SNTG1: variants seen among roughly 807,000 people sequenced by gnomAD.
The protein encoded by SNTG1 is gamma-1-syntrophin.
A neutral mutation model predicts 74.7 loss-of-function variants in SNTG1; 39 were observed. That is an observed-to-expected ratio of 0.52 (90% CI 0.40 to 0.68). The LOEUF (loss-of-function observed/expected upper bound fraction) is 0.68. Among genes scored for constraint, SNTG1 ranks in the 30% least tolerant of loss-of-function variants. The probability of loss-of-function intolerance (pLI) is 0.00; values close to 1 mark genes in which losing one functional copy is unlikely to be tolerated. For missense variants in SNTG1, 685 were observed against 609.5 expected (o/e 1.12, Z -1.30); for synonymous variants, 254 against 217.1 (o/e 1.17, Z -1.49).
At chr8:50,516,410 C>T (rs1277676212) in intron 9 of SNTG1, among the ~76,000 whole-genome samples, 4 of 152,178 alleles carry the variant, frequency 2.6e-5, no homozygotes, top group African/African-American at 9.6e-5. Flanking sequence ...CACAACTCCT[C>T]ACCAGCAAGG....
At chr8:50,080,595 T>G (rs1200832054) in intron 1 of SNTG1, among the ~76,000 whole-genome samples, 1 of 152,178 alleles carries the variant, frequency 6.6e-6, no homozygotes, top group Non-Finnish European at 1.5e-5. Flanking sequence ...TTTCTGTTTA[T>G]TTTTGCTGTA....
At position 50,328,951 on chromosome 8, in the gene SNTG1, G is replaced by A. The variant is rs77409617; in HGVS notation, c.-27-65261G>A. Among the ~76,000 whole-genome samples, 731 of 152,300 alleles carry A rather than the reference G, an allele frequency of 4.8e-3. 12 individuals carry two copies. The highest frequency in any genetic ancestry group is 0.017 in the African/African-American group (692 of 41,552). ...AAGTTAGGTACTTCCAAGACACAAT[G>A]TGGGTGTAAGCATTGGATAAATACT... On this transcript the variant is annotated intron_variant, in intron 2 of 18. Transcript: ENST00000642720.
At chr8:50,036,328 G>T (rs2130787518) in intron 1 of SNTG1, among the ~76,000 whole-genome samples, 1 of 152,210 alleles carries the variant, frequency 6.6e-6, no homozygotes, top group Non-Finnish European at 1.5e-5. Flanking sequence ...AATGTACTGT[G>T]CCCAGTGTCA....
At chr8:50,041,023 A>G (rs892539817) in intron 1 of SNTG1, among the ~76,000 whole-genome samples, 2 of 152,042 alleles carry the variant, frequency 1.3e-5, no homozygotes, top group African/African-American at 4.8e-5. Flanking sequence ...CAGCCTCCCA[A>G]GTAACTGGGA....
intron 13 of SNTG1, among the ~76,000 whole-genome samples, chr8:50,607,676 C>T (rs909768353): frequency 2.6e-5 from 4 of 151,358 alleles, no homozygotes; most frequent in African/African-American, 9.7e-5. Flanking sequence ...GTGACTTCTT[C>T]GTTGTCTTTC....
At chr8:50,387,737 C>A (rs535795188) in intron 2 of SNTG1, among the ~76,000 whole-genome samples, 2 of 152,136 alleles carry the variant, frequency 1.3e-5, no homozygotes, top group Non-Finnish European at 1.5e-5. Flanking sequence ...GTGGAACACA[C>A]GTTTAATGGG....
Position 50,794,128 on chromosome 8 carries a change from A to G in SNTG1, c.*1299A>G, listed in dbSNP as rs906483833. 1.3e-5 allele frequency: 2 copies of G among 151,810 alleles called. No individual in the cohort carries two copies. Among genetic ancestry groups the G allele is most frequent in the Non-Finnish European group, 2.9e-5 (2 of 67,882 alleles). 9.4% of individuals were successfully genotyped at this position (151,810 alleles called of 1,614,324 possible). On this transcript the variant is annotated 3_prime_UTR_variant, in exon 19 of 19. Transcript: ENST00000642720. ...AAGTCAGCTGTGTATGTAAAAAAAA[A>G]AAAAAATTTTTATTGATACACATGC...
At chr8:50,498,785 C>G (rs75327855) in intron 8 of SNTG1, among the ~76,000 whole-genome samples, 2 of 151,742 alleles carry the variant, frequency 1.3e-5, no homozygotes, top group African/African-American at 2.4e-5. Flanking sequence ...AGGTATAGCT[C>G]AAAGCTCCTT....
chr8:50,642,347 C>T (rs2095078847), intron 13 of SNTG1, among the ~76,000 whole-genome samples: 1 of 152,114 alleles, frequency 6.6e-6, no homozygotes, highest in Non-Finnish European at 1.5e-5. Flanking sequence ...TCTCTTCAGG[C>T]AAGCAATCCA....
intron 9 of SNTG1, among the ~76,000 whole-genome samples, chr8:50,527,692 A>G (rs904988275): frequency 7.9e-5 from 12 of 152,052 alleles, no homozygotes; most frequent in South Asian, 2.1e-4. Flanking sequence ...ATCTGTAAAG[A>G]TCATTTGGCT....
chr8:50,069,558 T>C lies in SNTG1; in HGVS notation c.-102-103003T>C, dbSNP rs185531940. Among the ~76,000 whole-genome samples, 442 of 140,246 alleles carry C rather than the reference T, an allele frequency of 3.2e-3. 6 individuals are homozygous for C. The highest frequency in any genetic ancestry group is 2.8e-3 in the Non-Finnish European group (181 of 65,074). 92.0% of individuals were successfully genotyped at this position (140,246 alleles called of 152,430 possible). ...TGCATTACTAAGATATAAATGGTTC[T>C]CTCTGGGCAGTGAGATTGGGAGGAA... On this transcript the variant is annotated intron_variant, in intron 1 of 18. Transcript: ENST00000642720.
intron 2 of SNTG1, among the ~76,000 whole-genome samples, chr8:50,372,436 G>A (rs960721861): frequency 7.3e-5 from 11 of 151,204 alleles, no homozygotes; most frequent in South Asian, 2.1e-4. Context: ...ATATTGTTAC[G>A]CTAGTGTCTC....
Position 50,658,493 on chromosome 8 carries a change from T to C in SNTG1, c.967-99T>C, listed in dbSNP as rs989136167. 6.5e-6 allele frequency: 5 copies of C among 766,878 alleles called. No homozygotes were observed. The African/African-American group carries it at 8.8e-5, about 14-fold the overall frequency. 47.5% of individuals were successfully genotyped at this position (766,878 alleles called of 1,614,324 possible). On this transcript the variant is annotated intron_variant, in intron 14 of 18. Transcript: ENST00000642720. ...ACAGATGAGAGACTAGATACATCTG[T>C]GAAAGTTTTTTCTTATTTTTCACTA...
intron 2 of SNTG1, among the ~76,000 whole-genome samples, chr8:50,371,835 T>G (rs1419119446): frequency 2.0e-5 from 3 of 152,162 alleles, no homozygotes; most frequent in Admixed American, 2.0e-4. Flanking sequence ...AAATCAATTT[T>G]GTGTAAGTAT....
intron 9 of SNTG1, among the ~76,000 whole-genome samples, chr8:50,516,923 C>G (rs891176690): frequency 1.3e-5 from 2 of 152,120 alleles, no homozygotes; most frequent in South Asian, 4.1e-4. Flanking sequence ...GGCCAACATT[C>G]AAATTCAGGA....
intron 1 of SNTG1, among the ~76,000 whole-genome samples, chr8:49,976,370 A>G (rs906155500): frequency 2.3e-4 from 35 of 152,150 alleles, no homozygotes; most frequent in African/African-American, 8.4e-4. Context: ...GTGTTTTTGC[A>G]TTTTTGTATT....
intron 4 of SNTG1, among the ~76,000 whole-genome samples, chr8:50,423,192 A>G (rs868338786): frequency 9.2e-5 from 14 of 152,232 alleles, no homozygotes; most frequent in Non-Finnish European, 1.6e-4. Context: ...GTAGAAACCA[A>G]TAACAGGGAG....
upstream of SNTG1, among the ~76,000 whole-genome samples, chr8:49,910,436 T>A (rs1805522512): frequency 6.6e-6 from 1 of 152,192 alleles, no homozygotes; most frequent in Non-Finnish European, 1.5e-5. Context: ...ACAGTCTCGC[T>A]CTTTCCATTT....
At chr8:50,424,112 G>A (rs1269222412) in intron 4 of SNTG1, among the ~76,000 whole-genome samples, 1 of 152,090 alleles carries the variant, frequency 6.6e-6, no homozygotes, top group Non-Finnish European at 1.5e-5. Context: ...TGGAATGGGT[G>A]AATCAAAGGT....
Sources: allele counts gnomAD v4.1 joint callset (sites outside exome capture counted in the v4.1 genomes callset), GRCh38; gene constraint gnomAD v4.1.1; transcripts MANE v1.5; gene names NCBI Gene and HGNC (gene_info 2026-07-23, HGNC 2026-07-21).